NR3C2: variants seen among roughly 807,000 people sequenced by gnomAD.
NR3C2 encodes the protein nuclear receptor subfamily 3 group C member 2.
Under a neutral mutation model 86.4 loss-of-function variants are expected in NR3C2, and 15 were observed. The observed-to-expected ratio is 0.17, with a 90% CI of 0.12 to 0.27. The LOEUF (loss-of-function observed/expected upper bound fraction) is 0.27. Among genes scored for constraint, NR3C2 ranks in the 10% least tolerant of loss-of-function variants. The probability of loss-of-function intolerance (pLI) is 1.00; values close to 1 mark genes in which losing one functional copy is unlikely to be tolerated. For missense variants in NR3C2, 960 were observed against 1,195.6 expected (o/e 0.80, Z 2.91); for synonymous variants, 458 against 450.5 (o/e 1.02, Z -0.21).
chr4:148,174,049 G>A (rs974287155), intron 4 of NR3C2, among the ~76,000 whole-genome samples: 1 of 152,178 alleles, frequency 6.6e-6, no homozygotes, highest in Non-Finnish European at 1.5e-5. Context: ...TTCAGTCATA[G>A]AATCCCATTC....
chr4:148,317,437 T>C lies in NR3C2; in HGVS notation c.1758-57320A>G, dbSNP rs149534371. Among the ~76,000 whole-genome samples the C allele has an allele frequency of 1.6e-3, 246 of 151,776 alleles. 1 individual carries two copies. The highest frequency in any genetic ancestry group is 5.5e-3 in the African/African-American group (227 of 41,476). On this transcript the variant is annotated intron_variant, in intron 2 of 8. Coordinates refer to ENST00000358102, the MANE Select transcript of NR3C2 (RefSeq NM_000901.5). ...TTTTTAGCTATAAAAATTAAGACAA[T>C]GCCATTTTGTTTTCTTCATATCCGC...
intron 2 of NR3C2, among the ~76,000 whole-genome samples, chr4:148,419,095 C>CT (rs33928091): frequency 0.4 from 59,301 of 147,612 alleles, 13,485 homozygotes; most frequent in East Asian, 0.65. Flanking sequence ...GTTGTTTTTC[C>CT]TTTTTTTTTT....
intron 3 of NR3C2, among the ~76,000 whole-genome samples, chr4:148,221,893 TAA>T (rs11378484): frequency 9.0e-5 from 11 of 122,672 alleles, no homozygotes; most frequent in African/African-American, 6.2e-5. Context: ...GACTCTGTCT[TAA>T]AAAAAAAAAA....
chr4:148,203,113 A>G, intron 3 of NR3C2, among the ~76,000 whole-genome samples: 1 of 152,122 alleles, frequency 6.6e-6, no homozygotes. Flanking sequence ...GATATTTATC[A>G]CTCTCTGAAT....
intron 2 of NR3C2, among the ~76,000 whole-genome samples, chr4:148,358,566 A>T (rs1004289222): frequency 3.3e-5 from 5 of 151,862 alleles, no homozygotes; most frequent in Admixed American, 2.6e-4. Context: ...GCACATGTAT[A>T]CATATGTAAC....
At chr4:148,206,780 G>A (rs1737029407) in intron 3 of NR3C2, among the ~76,000 whole-genome samples, 1 of 152,148 alleles carries the variant, frequency 6.6e-6, no homozygotes, top group Admixed American at 6.5e-5. Context: ...GTTGGAGAAG[G>A]GACTAGATCA....
chr4:148,170,032 ATTCGGT>A (rs1735052726), intron 4 of NR3C2, among the ~76,000 whole-genome samples: 1 of 152,122 alleles, frequency 6.6e-6, no homozygotes, highest in African/African-American at 2.4e-5. Flanking sequence ...GATATTAAAA[ATTCGGT>A]CTACACCATG....
At chr4:148,416,502 G>C (rs1749007649) in intron 2 of NR3C2, among the ~76,000 whole-genome samples, 1 of 152,176 alleles carries the variant, frequency 6.6e-6, no homozygotes, top group Non-Finnish European at 1.5e-5. Context: ...AGCTGATAAA[G>C]TGGTAAAACT....
At chr4:148,285,717 A>T (rs1374802297) in intron 2 of NR3C2, among the ~76,000 whole-genome samples, 1 of 150,954 alleles carries the variant, frequency 6.6e-6, no homozygotes, top group Non-Finnish European at 1.5e-5. Context: ...AAAAAAACAA[A>T]AACAAACAAA....
At chr4:148,169,191 C>G (rs1735012942) in intron 4 of NR3C2, among the ~76,000 whole-genome samples, 1 of 152,154 alleles carries the variant, frequency 6.6e-6, no homozygotes, top group African/African-American at 2.4e-5. Context: ...ACTCATCTCT[C>G]TGGAAAGTTA....
intron 2 of NR3C2, among the ~76,000 whole-genome samples, chr4:148,427,559 A>T (rs1274731054): frequency 6.6e-6 from 1 of 151,444 alleles, no homozygotes; most frequent in East Asian, 2.0e-4. Context: ...GGTCTAGTGG[A>T]GGGTGTCCGA....
chr4:148,243,265 G>A (rs1017676208), intron 3 of NR3C2, among the ~76,000 whole-genome samples: 5 of 152,054 alleles, frequency 3.3e-5, no homozygotes, highest in Admixed American at 2.6e-4. Flanking sequence ...CTGGCCTCAG[G>A]CAATCCTCTC....
chr4:148,213,327 A>C (rs1043730910), intron 3 of NR3C2, among the ~76,000 whole-genome samples: 2 of 152,198 alleles, frequency 1.3e-5, no homozygotes, highest in Admixed American at 1.3e-4. Context: ...TAGTAAAGAC[A>C]ATCATACCAG....
chr4:148,097,097 C>G (rs1222941477), intron 8 of NR3C2, among the ~76,000 whole-genome samples: 1 of 152,160 alleles, frequency 6.6e-6, no homozygotes, highest in Non-Finnish European at 1.5e-5. Context: ...TTTCCTCTTA[C>G]CATACAGATT....
At chr4:148,419,811 C>T (rs1220492116) in intron 2 of NR3C2, among the ~76,000 whole-genome samples, 1 of 151,906 alleles carries the variant, frequency 6.6e-6, no homozygotes, top group Non-Finnish European at 1.5e-5. Context: ...TTTCTGTTCT[C>T]CACCAGCTCA....
intron 2 of NR3C2, among the ~76,000 whole-genome samples, chr4:148,265,911 T>C (rs1317712443): frequency 6.6e-6 from 1 of 152,088 alleles, no homozygotes; most frequent in Admixed American, 6.5e-5. Context: ...AAAGTCCTTA[T>C]CCTCATGGAA....
intron 6 of NR3C2, among the ~76,000 whole-genome samples, chr4:148,129,985 A>G (rs1047698712): frequency 6.6e-6 from 1 of 152,140 alleles, no homozygotes; most frequent in African/African-American, 2.4e-5. Flanking sequence ...TTCTTTTATA[A>G]TATACAAAAT....
chr4:148,390,402 G>A lies in NR3C2; in HGVS notation c.1757+44702C>T, dbSNP rs556460647. Reference sequence around the variant, plus strand: ...TCAGGTGAAAACATGCCCAAATGGGGTTTAGGGTTAGGTAAGAAGTGTGAG... The same window carrying A: ...TCAGGTGAAAACATGCCCAAATGGGATTTAGGGTTAGGTAAGAAGTGTGAG... On this transcript the variant is annotated intron_variant, in intron 2 of 8. Coordinates refer to ENST00000358102, the MANE Select transcript of NR3C2 (RefSeq NM_000901.5). Among the ~76,000 whole-genome samples, 51 of 152,052 alleles carry A rather than the reference G, an allele frequency of 3.4e-4. 1 individual carries two copies. Among genetic ancestry groups the A allele is most frequent in the Admixed American group, 1.8e-3 (27 of 15,252 alleles).
At chr4:148,443,222 CAAAAAAAAAAAAA>C (rs59506438), upstream of NR3C2, among the ~76,000 whole-genome samples, 31 of 40,996 alleles carry the variant, frequency 7.6e-4, no homozygotes, top group South Asian at 5.5e-3. Context: ...CCCCTAACAC[CAAAAAAAAAAAAA>C]AAAAAAAAAA....
Sources: gnomAD v4.1 joint callset for allele counts (sites outside exome capture counted in the v4.1 genomes callset) on GRCh38, gnomAD v4.1.1 for gene constraint, MANE v1.5 for transcripts, NCBI Gene and HGNC (gene_info 2026-07-23, HGNC 2026-07-21) for gene names.